ZSCAN2: variants seen among roughly 807,000 people sequenced by gnomAD.
ZSCAN2 encodes the protein zinc finger and SCAN domain containing 2.
A neutral mutation model predicts 47.8 loss-of-function variants in ZSCAN2; 26 were observed. That is an observed-to-expected ratio of 0.54 (90% confidence interval 0.40 to 0.75). The LOEUF (loss-of-function observed/expected upper bound fraction) is 0.75, where lower values mean the gene tolerates loss of function less well. ZSCAN2 is among the 30% of genes least tolerant of loss of function. The pLI is 0.00. For missense variants in ZSCAN2, 732 were observed against 785.4 expected (o/e 0.93, Z 0.81); for synonymous variants, 305 against 288.7 (o/e 1.06, Z -0.57).
chr15:84,621,591 G>A lies in ZSCAN2; in HGVS notation c.1396G>A (p.Gly466Ser), dbSNP rs755783567. 2 of 1,613,336 alleles carry A rather than the reference G, an allele frequency of 1.2e-6. No homozygotes were observed. Among genetic ancestry groups the A allele is most frequent in the South Asian group, 1.1e-5 (1 of 91,048 alleles). ...GAGCTCCAGTCTGATTGCACACCAGGGCATGCACACAGGGGAGAAACCCTA... is the reference window on the plus strand; with the variant it reads ...GAGCTCCAGTCTGATTGCACACCAGAGCATGCACACAGGGGAGAAACCCTA... ...SQSSSLIAHQ[G>S]MHTGEKPYEC... Residue 466 changes from glycine to serine, a missense_variant, in exon 3 of 3, where the codon GGC becomes AGC. Coordinates refer to ENST00000546148, the MANE Select transcript of ZSCAN2 (RefSeq NM_181877.4). This position sits in a 1 kb window ranked among gnomAD's most constrained non-coding sequence, Gnocchi z 5.7.
At chr15:84,601,714 T>A (rs189014919) in intron 1 of ZSCAN2, among the ~76,000 whole-genome samples, 87 of 152,122 alleles carry the variant, frequency 5.7e-4, no homozygotes, top group Admixed American at 1.8e-3. Context: ...TTTTAAAAAA[T>A]TTTTTTATTT....
At chr15:84,613,115 A>G (rs1567009991) in intron 2 of ZSCAN2, among the ~76,000 whole-genome samples, 2 of 152,238 alleles carry the variant, frequency 1.3e-5, no homozygotes, top group East Asian at 1.9e-4. Flanking sequence ...TCTCTTCTCC[A>G]TGGATTTAAG....
At chr15:84,616,285 G>C (rs1895691297) in intron 2 of ZSCAN2, 2 of 1,122,078 alleles carry the variant, frequency 1.8e-6, no homozygotes, top group African/African-American at 1.5e-5. Flanking sequence ...TGGGTCAAAG[G>C]CTCTTTCCTT....
Position 84,604,231 on chromosome 15 carries a change from C to G in ZSCAN2, c.304C>G (p.Leu102Val), listed in dbSNP as rs960297822. ...VHTKEQMLTM[L>V]PKEIQAWLQE... ...CACCAAGGAGCAGATGTTAACCATG[C>G]TGCCAAAGGAAATTCAGGCTTGGCT... is the stretch of plus-strand genomic sequence containing the variant. The change falls in exon 2 of 3, where the codon CTG becomes GTG. Residue 102 changes from leucine to valine, a missense_variant. Physicochemically the swap from Leu to Val is conservative, Grantham distance 32. Coordinates refer to ENST00000546148, the MANE Select transcript of ZSCAN2 (RefSeq NM_181877.4). 1.2e-6 allele frequency: 2 copies of G among 1,613,970 alleles called. No homozygotes were observed. The highest frequency in any genetic ancestry group is 1.7e-6 in the Non-Finnish European group (2 of 1,180,026).
In ZSCAN2 at chr15:84,622,025, A is replaced by G. The variant is rs535022095; in HGVS notation, c.1830A>G (p.Lys610=). The change falls in exon 3 of 3, where the codon AAA becomes AAG. Residue 610 remains lysine (K), a synonymous_variant. Coordinates refer to ENST00000546148, the MANE Select transcript of ZSCAN2 (RefSeq NM_181877.4). ...TCACACATCAGAGAACTCACATGAAAGAGAAACTTTATTGAAGTGGCAAAG... is the reference window on the plus strand; with the variant it reads ...TCACACATCAGAGAACTCACATGAAGGAGAAACTTTATTGAAGTGGCAAAG... ...NFITHQRTHM[K]EKLY 4 of 1,603,268 alleles carry G rather than the reference A, an allele frequency of 2.5e-6. No individual in the cohort carries two copies. Among genetic ancestry groups the G allele is most frequent in the African/African-American group, 1.3e-5 (1 of 74,644 alleles).
intron 2 of ZSCAN2, among the ~76,000 whole-genome samples, chr15:84,604,760 C>T (rs1221308210): frequency 9.4e-5 from 9 of 95,822 alleles, no homozygotes; most frequent in African/African-American, 1.9e-4. Context: ...TTTTTTGAAA[C>T]GGAGTCTCGC....
chr15:84,610,906 A>G (rs150606231), intron 2 of ZSCAN2, among the ~76,000 whole-genome samples: 1,527 of 152,386 alleles, frequency 0.01, 16 homozygotes, highest in Middle Eastern at 0.065. Context: ...TCCTTGATCT[A>G]CAAGAGCCTC....
intron 1 of ZSCAN2, chr15:84,601,931 C>G (rs1198160444): frequency 7.1e-6 from 1 of 141,796 alleles, no homozygotes; most frequent in East Asian, 2.0e-4. Flanking sequence ...CCGTCCCGTT[C>G]TTTTTTCCTG....
Position 84,621,213 on chromosome 15 carries a change from G to C in ZSCAN2, c.1018G>C (p.Gly340Arg). Residue 340 changes from glycine to arginine, a missense_variant, in exon 3 of 3, where the codon GGA (glycine) becomes CGA (arginine). Coordinates refer to ENST00000546148, the MANE Select transcript of ZSCAN2 (RefSeq NM_181877.4). The surrounding 1 kb of genome is among the most constrained non-coding windows in gnomAD (Gnocchi z 5.7). The stretch of plus-strand genomic sequence containing the variant: ...GAAACCCTACTCGTGCCCCGAGTGT[G>C]GAAAGAGCTTTGGCAACCGATCCAG... ...GEKPYSCPEC[G>R]KSFGNRSSLN... 6.2e-7 allele frequency: 1 copy of C among 1,614,132 alleles called. No homozygotes were observed. Among genetic ancestry groups the C allele is most frequent in the Non-Finnish European group, 8.5e-7 (1 of 1,180,018 alleles).
At chr15:84,618,470 T>C (rs1895745041) in intron 2 of ZSCAN2, among the ~76,000 whole-genome samples, 2 of 152,050 alleles carry the variant, frequency 1.3e-5, no homozygotes, top group Non-Finnish European at 2.9e-5. Flanking sequence ...AGAGGGAAAT[T>C]TCCTCCTCAG....
chr15:84,601,707 T>A (rs545793171), intron 1 of ZSCAN2, among the ~76,000 whole-genome samples: 107 of 152,202 alleles, frequency 7.0e-4, no homozygotes, highest in South Asian at 8.3e-4. Context: ...AATGATTTTT[T>A]AAAAAATTTT....
At chr15:84,617,231 T>C (rs1596035951) in intron 2 of ZSCAN2, among the ~76,000 whole-genome samples, 1 of 151,086 alleles carries the variant, frequency 6.6e-6, no homozygotes, top group African/African-American at 2.4e-5. Context: ...AGGTCAGGAG[T>C]TTGAGACCAG....
At chr15:84,613,201 T>G (rs1032868891) in intron 2 of ZSCAN2, among the ~76,000 whole-genome samples, 2 of 152,238 alleles carry the variant, frequency 1.3e-5, no homozygotes, top group Admixed American at 1.3e-4. Context: ...GCCTGTCTAT[T>G]TCTGTTCCAC....
rs1334466552 is a variant in ZSCAN2 at position 84,601,057 on chromosome 15, A to G, written c.-187A>G. On this transcript the variant is annotated 5_prime_UTR_variant, in exon 1 of 3. Transcript: ENST00000546148. ...GCCCCACGGGCTTGAGCCGGGGTGA[A>G]TCTGGAGGGGCCGGGCCGAGCCCGG... The G allele has an allele frequency of 6.6e-6, 1 of 152,228 alleles. No homozygotes were observed. The highest frequency in any genetic ancestry group is 1.5e-5 in the Non-Finnish European group (1 of 68,188). The allele number at this position is 152,228 out of a possible 1,614,324, so 9.4% of individuals were successfully genotyped here.
At position 84,622,630 on chromosome 15, in the gene ZSCAN2, C is replaced by A. The variant is rs1252711710; in HGVS notation, c.*590C>A. On this transcript the variant is annotated 3_prime_UTR_variant, in exon 3 of 3. Transcript: ENST00000546148. ...TGAGTCACCCACGTGAAGGTAAAGA[C>A]CCTTTCTATTTCCAGAAAGTGTCAG... 1.4e-6 allele frequency: 1 copy of A among 717,332 alleles called. No homozygotes were observed. Among genetic ancestry groups the A allele is most frequent in the Non-Finnish European group, 2.6e-6 (1 of 385,076 alleles). The allele number at this position is 717,332 out of a possible 1,614,324, so 44.4% of individuals were successfully genotyped here. A position where few individuals can be genotyped will look rare whatever the true frequency, so the allele number is the denominator to read the frequency against.
At chr15:84,617,679 A>G (rs1478014192) in intron 2 of ZSCAN2, among the ~76,000 whole-genome samples, 2 of 149,984 alleles carry the variant, frequency 1.3e-5, no homozygotes, top group Non-Finnish European at 3.0e-5. Context: ...GCTTATGCCT[A>G]TCATCCCAGC....
chr15:84,616,630 CTCA>C, intron 2 of ZSCAN2: 1 of 1,193,844 alleles, frequency 8.4e-7, no homozygotes, highest in Non-Finnish European at 1.0e-6. Context: ...TGCTTCCGAG[CTCA>C]TTGGAGAGCT....
chr15:84,622,077 T>G lies in ZSCAN2; in HGVS notation c.*37T>G, dbSNP rs201456166. The G allele has an allele frequency of 6.6e-7, 1 of 1,525,282 alleles. No individual in the cohort carries two copies. Among genetic ancestry groups the G allele is most frequent in the Middle Eastern group, 2.0e-4 (1 of 4,952 alleles). 94.5% of individuals were successfully genotyped at this position (1,525,282 alleles called of 1,614,324 possible). On this transcript the variant is annotated 3_prime_UTR_variant, in exon 3 of 3. Transcript: ENST00000546148. ...GTGAAAGTGAGGGACTGGCCTGGAG[T>G]GGGAGTTGCCACACTGCCCCAACAG...
In ZSCAN2 at chr15:84,601,025, T is replaced by A. The variant is rs554537348; in HGVS notation, c.-219T>A. On this transcript the variant is annotated 5_prime_UTR_variant, in exon 1 of 3. Coordinates refer to ENST00000546148, the MANE Select transcript of ZSCAN2 (RefSeq NM_181877.4). ...TGGGCGGGCCTCTCCCGTCCATTGTTCTCGGTGCCCCACGGGCTTGAGCCG... is the reference window on the plus strand; with the variant it reads ...TGGGCGGGCCTCTCCCGTCCATTGTACTCGGTGCCCCACGGGCTTGAGCCG... 6.6e-6 allele frequency: 1 copy of A among 152,306 alleles called. No homozygotes were observed. Among genetic ancestry groups the A allele is most frequent in the African/African-American group, 2.4e-5 (1 of 41,514 alleles). 9.4% of individuals were successfully genotyped at this position (152,306 alleles called of 1,614,324 possible).
Sources: allele counts gnomAD v4.1 joint callset (sites outside exome capture counted in the v4.1 genomes callset), GRCh38; gene constraint gnomAD v4.1.1; non-coding constraint Gnocchi (gnomAD v3.1); transcripts MANE v1.5; gene names NCBI Gene and HGNC (gene_info 2026-07-23, HGNC 2026-07-21).